The following RSRC1 variants were observed in gnomAD, a reference collection of about 807,000 sequenced individuals.
RSRC1 encodes the protein arginine and serine rich coiled-coil 1.
RSRC1 carries 39 observed loss-of-function variants against 49.1 expected under a neutral mutation model. That is an observed-to-expected ratio of 0.79 (90% CI 0.61 to 1.04). RSRC1 has a LOEUF of 1.04. RSRC1 is among the 50% of genes least tolerant of loss of function. The pLI is 0.00. For synonymous variants in RSRC1, 143 were observed against 130.8 expected, an observed-to-expected ratio of 1.09 and a Z score of -0.63; for missense variants, 388 against 402.4, an observed-to-expected ratio of 0.96 and a Z score of 0.31.
chr3:158,475,068 T>C (rs887221308), intron 7 of RSRC1, among the ~76,000 whole-genome samples: 13 of 151,960 alleles, frequency 8.6e-5, no homozygotes, highest in African/African-American at 3.1e-4. Flanking sequence ...GCGAGCATCA[T>C]CACACCTGGC....
At chr3:158,353,827 ATATAT>A (rs1731005344) in intron 5 of RSRC1, among the ~76,000 whole-genome samples, 1 of 152,124 alleles carries the variant, frequency 6.6e-6, no homozygotes, top group Non-Finnish European at 1.5e-5. Flanking sequence ...AACTTTATAA[ATATAT>A]TAATTGAAGT....
At chr3:158,285,457 G>A (rs1390212387) in intron 4 of RSRC1, among the ~76,000 whole-genome samples, 1 of 152,144 alleles carries the variant, frequency 6.6e-6, no homozygotes, top group Non-Finnish European at 1.5e-5. Flanking sequence ...TGATAGGGAT[G>A]GCATTGAATC....
At chr3:158,385,035 A>T (rs1732899873) in intron 6 of RSRC1, among the ~76,000 whole-genome samples, 1 of 152,164 alleles carries the variant, frequency 6.6e-6, no homozygotes, top group East Asian at 1.9e-4. Flanking sequence ...GGAAAAGGAA[A>T]AATAAATTTA....
chr3:158,517,496 G>T lies in RSRC1; in HGVS notation c.653-19596G>T, dbSNP rs1277880141. 2.6e-5 allele frequency among the ~76,000 whole-genome samples: 4 copies of T among 151,966 alleles called. 1 individual carries two copies. The highest frequency in any genetic ancestry group is 9.7e-5 in the African/African-American group (4 of 41,376). ...ACTTGCTTTATCTTTTTTATAGGGGGTGATGTTTGTTTTGGTGGATTCCCT... is the reference window on the plus strand; with the variant it reads ...ACTTGCTTTATCTTTTTTATAGGGGTTGATGTTTGTTTTGGTGGATTCCCT... On this transcript the variant is annotated intron_variant, in intron 7 of 9. Coordinates refer to ENST00000611884, the MANE Select transcript of RSRC1 (RefSeq NM_001271838.2).
intron 4 of RSRC1, among the ~76,000 whole-genome samples, chr3:158,262,639 G>A (rs1352238733): frequency 6.6e-6 from 1 of 152,054 alleles, no homozygotes. Flanking sequence ...TGAGTCTGTA[G>A]ATCAGTTTGG....
At chr3:158,221,431 G>A (rs1385512344) in intron 4 of RSRC1, among the ~76,000 whole-genome samples, 1 of 151,288 alleles carries the variant, frequency 6.6e-6, no homozygotes, top group Non-Finnish European at 1.5e-5. Context: ...TATGCAGTAT[G>A]CCGATGCTGC....
chr3:158,498,602 T>G (rs1217747867), intron 7 of RSRC1, among the ~76,000 whole-genome samples: 1 of 152,208 alleles, frequency 6.6e-6, no homozygotes, highest in African/African-American at 2.4e-5. Flanking sequence ...TCTTTGTTTT[T>G]ATTGCATTTG....
At chr3:158,276,583 C>T (rs1185506108) in intron 4 of RSRC1, among the ~76,000 whole-genome samples, 1 of 152,134 alleles carries the variant, frequency 6.6e-6, no homozygotes, top group African/African-American at 2.4e-5. Context: ...TTGTCTCCTT[C>T]AGTATTTGTC....
intron 6 of RSRC1, among the ~76,000 whole-genome samples, chr3:158,446,990 G>A (rs1736756179): frequency 6.6e-6 from 1 of 151,968 alleles, no homozygotes; most frequent in African/African-American, 2.4e-5. Flanking sequence ...TATTAATTTT[G>A]AATTATATTT....
At chr3:158,331,870 G>A (rs1729567549) in intron 5 of RSRC1, among the ~76,000 whole-genome samples, 2 of 149,746 alleles carry the variant, frequency 1.3e-5, no homozygotes, top group South Asian at 4.2e-4. Flanking sequence ...GTGGTAAAGA[G>A]TTGGATTATC....
intron 4 of RSRC1, 35 bp downstream of exon 4, chr3:158,203,280 G>A (rs1721176664): frequency 6.5e-7 from 1 of 1,539,704 alleles, no homozygotes; most frequent in Non-Finnish European, 8.8e-7. Flanking sequence ...GTAAGGACTT[G>A]GTGATTCCAT....
intron 5 of RSRC1, among the ~76,000 whole-genome samples, chr3:158,316,233 AC>A (rs1404501089): frequency 2.0e-5 from 3 of 152,056 alleles, no homozygotes; most frequent in African/African-American, 7.2e-5. Flanking sequence ...TAGACAGTTT[AC>A]CTTTATGCTC....
intron 3 of RSRC1, among the ~76,000 whole-genome samples, chr3:158,179,609 G>A (rs983671653): frequency 1.3e-5 from 2 of 151,986 alleles, no homozygotes; most frequent in African/African-American, 4.8e-5. Flanking sequence ...AGTATCTCAC[G>A]GTATGGTTGT....
intron 4 of RSRC1, among the ~76,000 whole-genome samples, chr3:158,248,518 G>A (rs918639257): frequency 1.3e-5 from 2 of 151,648 alleles, no homozygotes; most frequent in Non-Finnish European, 2.9e-5. Flanking sequence ...ACTATTATGA[G>A]CATTTATATA....
At chr3:158,298,363 A>T (rs1200201029) in intron 5 of RSRC1, among the ~76,000 whole-genome samples, 3 of 152,086 alleles carry the variant, frequency 2.0e-5, no homozygotes, top group African/African-American at 7.2e-5. Flanking sequence ...TGTTTGGTGT[A>T]GAATTTTTGG....
chr3:158,529,073 GATAT>G (rs140040257), intron 7 of RSRC1, among the ~76,000 whole-genome samples: 2 of 149,932 alleles, frequency 1.3e-5, no homozygotes, highest in Admixed American at 1.3e-4. Context: ...TTCTAGATGT[GATAT>G]ATATATATAT....
intron 6 of RSRC1, among the ~76,000 whole-genome samples, chr3:158,410,926 T>C (rs1421444690): frequency 1.3e-5 from 2 of 152,174 alleles, no homozygotes; most frequent in African/African-American, 4.8e-5. Flanking sequence ...CATCTTCTGA[T>C]AGTTCCTGTC....
intron 5 of RSRC1, among the ~76,000 whole-genome samples, chr3:158,335,389 A>G (rs1033728672): frequency 2.6e-5 from 4 of 152,204 alleles, no homozygotes; most frequent in African/African-American, 9.6e-5. Flanking sequence ...GTGAAAGACC[A>G]TGTATTGCTG....
intron 1 of RSRC1, among the ~76,000 whole-genome samples, chr3:158,111,208 G>C (rs987087888): frequency 2.0e-5 from 3 of 152,170 alleles, no homozygotes; most frequent in East Asian, 1.9e-4. Context: ...GGGGAAACTA[G>C]GTATCCTTTA....
Sources: allele counts gnomAD v4.1 joint callset (sites outside exome capture counted in the v4.1 genomes callset), GRCh38; gene constraint gnomAD v4.1.1; transcripts MANE v1.5; gene names NCBI Gene and HGNC (gene_info 2026-07-23, HGNC 2026-07-21).